The following CNTN4 variants were observed in gnomAD, a reference collection of about 807,000 sequenced individuals.
CNTN4 encodes the protein contactin 4.
CNTN4 carries 77 observed loss-of-function variants against 122.5 expected under a neutral mutation model. The ratio of observed to expected loss-of-function variants is 0.63; its 90% confidence interval spans 0.52 to 0.76. CNTN4 has a LOEUF of 0.76. Ranked by LOEUF, CNTN4 falls within the 30% of genes least tolerant of loss-of-function variation. CNTN4 has a pLI of 0.00. For missense variants in CNTN4, 1,256 were observed against 1,259.1 expected (o/e 1.00, Z 0.04); for synonymous variants, 512 against 447.0 (o/e 1.15, Z -1.83).
chr3:2,725,483 TC>T (rs1429424140), intron 4 of CNTN4, among the ~76,000 whole-genome samples: 3 of 152,180 alleles, frequency 2.0e-5, no homozygotes, highest in Admixed American at 6.5e-5. Context: ...AACGGTCTTT[TC>T]AAAAGGCCAC....
chr3:2,481,600 C>T (rs554062753), intron 3 of CNTN4, among the ~76,000 whole-genome samples: 2 of 152,204 alleles, frequency 1.3e-5, no homozygotes, highest in East Asian at 1.9e-4. Context: ...AACTGTAAAA[C>T]CTCTTGAAGA....
intron 3 of CNTN4, among the ~76,000 whole-genome samples, chr3:2,506,679 T>G (rs758302615): frequency 3.9e-5 from 6 of 152,228 alleles, no homozygotes; most frequent in African/African-American, 7.2e-5. Flanking sequence ...ATCAGAATCC[T>G]GATAGAGGAA....
At chr3:2,751,384 C>T (rs1416083769) in intron 6 of CNTN4, among the ~76,000 whole-genome samples, 1 of 152,076 alleles carries the variant, frequency 6.6e-6, no homozygotes, top group South Asian at 2.1e-4. Context: ...CCTCAAAGTT[C>T]GCTTTTACCC....
chr3:2,317,243 A>G (rs111791450), intron 2 of CNTN4, among the ~76,000 whole-genome samples: 1 of 152,246 alleles, frequency 6.6e-6, no homozygotes, highest in Non-Finnish European at 1.5e-5. Context: ...AAGTTTGCAT[A>G]TCTGAATTCA....
intron 3 of CNTN4, among the ~76,000 whole-genome samples, chr3:2,401,063 A>G (rs935782348): frequency 1.3e-5 from 2 of 152,118 alleles, no homozygotes; most frequent in African/African-American, 2.4e-5. Context: ...TGTATACCAG[A>G]TACTGAAATG....
chr3:2,238,153 A>G (rs2039755766), intron 2 of CNTN4, among the ~76,000 whole-genome samples: 1 of 152,114 alleles, frequency 6.6e-6, no homozygotes, highest in South Asian at 2.1e-4. Flanking sequence ...TTGAGGAATA[A>G]CGTATTTTGG....
intron 2 of CNTN4, among the ~76,000 whole-genome samples, chr3:2,266,807 A>T (rs2041069130): frequency 6.6e-6 from 1 of 152,126 alleles, no homozygotes; most frequent in Admixed American, 6.6e-5. Context: ...CAACAGCAGA[A>T]TAGCAGCTGC....
intron 3 of CNTN4, among the ~76,000 whole-genome samples, chr3:2,403,199 T>G (rs1010691372): frequency 1.3e-5 from 2 of 152,108 alleles, no homozygotes; most frequent in Admixed American, 6.6e-5. Context: ...GCCAGCCATA[T>G]TTGATTAGGG....
chr3:3,049,912 C>T (rs1701081202), intron 23 of CNTN4, among the ~76,000 whole-genome samples: 1 of 152,220 alleles, frequency 6.6e-6, no homozygotes, highest in Admixed American at 6.5e-5. Context: ...ATATAGATCA[C>T]TGGCTTAGTC....
chr3:2,668,891 G>A (rs1453511064), intron 4 of CNTN4, among the ~76,000 whole-genome samples: 4 of 151,982 alleles, frequency 2.6e-5, no homozygotes, highest in Admixed American at 1.3e-4. Flanking sequence ...GCTGGATTAC[G>A]TTTATTGATT....
At chr3:2,114,407 C>T (rs975542149) in intron 2 of CNTN4, among the ~76,000 whole-genome samples, 1 of 152,068 alleles carries the variant, frequency 6.6e-6, no homozygotes, top group African/African-American at 2.4e-5. Flanking sequence ...CTACAGTGTG[C>T]TGTGATCCTG....
chr3:2,521,146 A>G (rs1318392403), intron 3 of CNTN4, among the ~76,000 whole-genome samples: 2 of 152,094 alleles, frequency 1.3e-5, no homozygotes, highest in Non-Finnish European at 2.9e-5. Flanking sequence ...TTGATCTCAT[A>G]TAGGCCATAT....
At chr3:2,103,495 A>G (rs2032165946) in intron 2 of CNTN4, among the ~76,000 whole-genome samples, 1 of 152,148 alleles carries the variant, frequency 6.6e-6, no homozygotes, top group South Asian at 2.1e-4. Context: ...CTTCCTCTGA[A>G]GATTCTATTG....
intron 2 of CNTN4, among the ~76,000 whole-genome samples, chr3:2,242,928 A>G (rs1367951865): frequency 6.6e-6 from 1 of 152,144 alleles, no homozygotes; most frequent in East Asian, 1.9e-4. Flanking sequence ...TATGGCAGGA[A>G]TTTAGAACAA....
At chr3:2,233,315 G>A (rs563101912) in intron 2 of CNTN4, among the ~76,000 whole-genome samples, 1 of 152,114 alleles carries the variant, frequency 6.6e-6, no homozygotes, top group South Asian at 2.1e-4. Context: ...TCAGTAGATG[G>A]CATTCTCCAC....
At chr3:2,128,653 A>T (rs377550541) in intron 2 of CNTN4, among the ~76,000 whole-genome samples, 103 of 152,296 alleles carry the variant, frequency 6.8e-4, no homozygotes, top group African/African-American at 2.3e-3. Flanking sequence ...ATGTCTCAAG[A>T]AGAACTTAGG....
rs73117354 is a variant in CNTN4, at chr3:2,331,847, C to A, written c.-144-7331C>A. 8.1e-3 allele frequency among the ~76,000 whole-genome samples: 1,232 copies of A among 152,166 alleles called. 21 individuals carry two copies. Among genetic ancestry groups the A allele is most frequent in the African/African-American group, 0.028 (1,177 of 41,524 alleles). ...TGAAAATGCTATATAAACTGCATGC[C>A]CTTTGCAAATGATTGTAGTTTTCCT... On this transcript the variant is annotated intron_variant, in intron 2 of 24. Transcript: ENST00000418658.
chr3:2,705,205 A>C (rs1266054245), intron 4 of CNTN4, among the ~76,000 whole-genome samples: 2 of 150,608 alleles, frequency 1.3e-5, no homozygotes, highest in African/African-American at 4.9e-5. Context: ...CGTCTCTACT[A>C]AAACTACAAA....
rs953362706 is a variant in CNTN4, at chr3:2,723,886, C to G, written c.56-12329C>G. On this transcript the variant is annotated intron_variant, in intron 4 of 24. Coordinates refer to ENST00000418658, the MANE Select transcript of CNTN4 (RefSeq NM_175607.3). ...CCAAGTTCAGTCCCTGTTCTGCAGC[C>G]TCTTATAACGGTGGCCTGTCTCCAG... Among the ~76,000 whole-genome samples the G allele has an allele frequency of 7.2e-5, 11 of 152,126 alleles. No homozygotes were observed. The South Asian group carries it at 1.0e-3, about 14-fold the overall frequency.
Sources: allele counts gnomAD v4.1 joint callset (sites outside exome capture counted in the v4.1 genomes callset), GRCh38; gene constraint gnomAD v4.1.1; transcripts MANE v1.5; gene names NCBI Gene and HGNC (gene_info 2026-07-23, HGNC 2026-07-21).